The following KIF1A variants were observed in gnomAD, a reference collection of about 807,000 sequenced individuals.
KIF1A encodes kinesin-like protein KIF1A.
Under a neutral mutation model 227.3 loss-of-function variants are expected in KIF1A, and 46 were observed. That is an observed-to-expected ratio of 0.20 (90% CI 0.16 to 0.26). The LOEUF (loss-of-function observed/expected upper bound fraction) is 0.26, where lower values mean the gene tolerates loss of function less well. Among genes scored for constraint, KIF1A ranks in the 10% least tolerant of loss-of-function variants. The pLI is 1.00. For missense variants in KIF1A, 1,683 were observed against 2,485.9 expected (o/e 0.68, Z 6.87); for synonymous variants, 1,022 against 1,012.8 (o/e 1.01, Z -0.17).
chr2:240,810,603 A>T (rs2057791975), intron 1 of KIF1A, among the ~76,000 whole-genome samples: 1 of 152,228 alleles, frequency 6.6e-6, no homozygotes, highest in South Asian at 2.1e-4. Context: ...CAAATGCAGA[A>T]TGACTTATCA....
chr2:240,737,125 G>A lies in KIF1A; in HGVS notation c.3945C>T (p.Asp1315=), dbSNP rs756862768. 1 of 1,613,762 alleles carries A rather than the reference G, an allele frequency of 6.2e-7. No homozygotes were observed. The highest frequency in any genetic ancestry group is 8.5e-7 in the Non-Finnish European group (1 of 1,179,732). ...GGATGTTGAGAGACAAGATGTTGGG[G>A]TCGATCAGGGACTCGTCGGTCTCTG... ...NTPETDESLI[D]PNILSLNILS... is the part of the protein sequence containing the mutation. The change falls in exon 38 of 49, where the codon GAC becomes GAT. Residue 1315 remains aspartate (D), a synonymous_variant. Transcript: ENST00000498729.
intron 38 of KIF1A, among the ~76,000 whole-genome samples, chr2:240,735,562 G>A (rs2047217806): frequency 6.6e-6 from 1 of 152,176 alleles, no homozygotes. Flanking sequence ...ATAAGGTAAT[G>A]AGGTCATCTC....
Position 240,726,973 on chromosome 2 carries a change from T to A in KIF1A, c.4008-33A>T. The A allele has an allele frequency of 7.4e-7, 1 of 1,354,164 alleles. No individual in the cohort carries two copies. The highest frequency in any genetic ancestry group is 1.0e-6 in the Non-Finnish European group (1 of 961,416). 83.9% of individuals were successfully genotyped at this position (1,354,164 alleles called of 1,614,324 possible). A position where few individuals can be genotyped will look rare whatever the true frequency, so the allele number is the denominator to read the frequency against. On this transcript the variant is annotated intron_variant, in intron 38 of 48. Transcript: ENST00000498729. This position sits in a 1 kb window ranked among gnomAD's most constrained non-coding sequence, Gnocchi z 5.2. Reference sequence around the variant, plus strand: ...GAAGCAGAGACAAAGTAGAAGTTGATGGCGTGGGGGCTGCTTTCAGCCAGG... The same window carrying A: ...GAAGCAGAGACAAAGTAGAAGTTGAAGGCGTGGGGGCTGCTTTCAGCCAGG...
Position 240,719,369 on chromosome 2 carries a change from G to A in KIF1A, c.5022-171C>T, listed in dbSNP as rs531817358. Among the ~76,000 whole-genome samples the A allele has an allele frequency of 5.3e-5, 8 of 152,314 alleles. No homozygotes were observed. In the South Asian group the frequency reaches 8.3e-4, roughly 16 times the overall value. On this transcript the variant is annotated intron_variant, in intron 46 of 48. Transcript: ENST00000498729. ...TGGCAGAACCCCAACCCAGCAGGCCGGAGACCAGACCACCAAGCCAGCTCT... is the reference window on the plus strand; with the variant it reads ...TGGCAGAACCCCAACCCAGCAGGCCAGAGACCAGACCACCAAGCCAGCTCT...
At chr2:240,785,260 G>A (rs2054586557) in intron 6 of KIF1A, among the ~76,000 whole-genome samples, 160 bp from the exon 7 acceptor site, 1 of 152,200 alleles carries the variant, frequency 6.6e-6, no homozygotes, top group Non-Finnish European at 1.5e-5. Context: ...CCTCCTGCCA[G>A]GACTCCAGCA....
intron 48 of KIF1A, 45 bp from the exon 49 acceptor site, chr2:240,717,451 C>G: frequency 6.3e-7 from 1 of 1,586,732 alleles, no homozygotes; most frequent in Admixed American, 1.7e-5. Context: ...CCAGGAACAC[C>G]TGCAGGCCAT....
chr2:240,757,226 G>T lies in KIF1A; in HGVS notation c.2858+93C>A. 7.5e-7 allele frequency: 1 copy of T among 1,325,588 alleles called. No homozygotes were observed. Among genetic ancestry groups the T allele is most frequent in the Non-Finnish European group, 1.0e-6 (1 of 957,336 alleles). 82.1% of individuals were successfully genotyped at this position (1,325,588 alleles called of 1,614,324 possible). ...GCCTCGCCTGCCCTGGGAGGGCCCG[G>T]GCCAGGCCCCAGCGGTTCCTCTGTG... On this transcript the variant is annotated intron_variant, in intron 27 of 48. Coordinates refer to ENST00000498729, the MANE Select transcript of KIF1A (RefSeq NM_001244008.2). This position sits in a 1 kb window ranked among gnomAD's most constrained non-coding sequence, Gnocchi z 6.2.
At position 240,745,834 on chromosome 2, in the gene KIF1A, T is replaced by C. The variant is rs748846590; in HGVS notation, c.3278A>G (p.Asp1093Gly). 1.9e-6 allele frequency: 3 copies of C among 1,612,648 alleles called. No homozygotes were observed. The highest frequency in any genetic ancestry group is 2.7e-5 in the African/African-American group (2 of 74,882). Residue 1093 changes from aspartate (D) to glycine (G), a missense_variant, in exon 31 of 49, where the codon GAC becomes GGC. Coordinates refer to ENST00000498729, the MANE Select transcript of KIF1A (RefSeq NM_001244008.2). ...ALDGPLDAAL[D>G]HLRLGNTFTF... ...GAAGGTGTTGCCCAGGCGGAGGTGG[T>C]CCAGGGCAGCATCCAGGGGCCCATC...
chr2:240,759,540 A>G (rs189625821), intron 25 of KIF1A, among the ~76,000 whole-genome samples: 272 of 151,652 alleles, frequency 1.8e-3, no homozygotes, highest in Middle Eastern at 3.4e-3. Flanking sequence ...CTTTCCCACA[A>G]CCCCAGGCTG....
At chr2:240,728,482 G>C (rs1035280360) in intron 38 of KIF1A, 1 of 1,037,940 alleles carries the variant, frequency 9.6e-7, no homozygotes, top group Non-Finnish European at 1.3e-6. Context: ...AACAAGCACC[G>C]GCACAAGGCC....
chr2:240,733,175 T>C (rs969821223), intron 38 of KIF1A, among the ~76,000 whole-genome samples: 1 of 151,536 alleles, frequency 6.6e-6, no homozygotes, highest in African/African-American at 2.4e-5. Flanking sequence ...GATCAATGAG[T>C]GCGTGGGTGA....
chr2:240,732,202 T>C lies in KIF1A; in HGVS notation c.4007+4861A>G, dbSNP rs111209961. On this transcript the variant is annotated intron_variant, in intron 38 of 48. Coordinates refer to ENST00000498729, the MANE Select transcript of KIF1A (RefSeq NM_001244008.2). ...AGGAGAGAATGAGCGGTGGAGGGGA[T>C]GAGGCGTGAGGGGAGGAGGGGATGA... 7.5e-3 allele frequency among the ~76,000 whole-genome samples: 371 copies of C among 49,746 alleles called. 6 individuals carry two copies. The highest frequency in any genetic ancestry group is 0.03 in the African/African-American group (342 of 11,418). 32.6% of individuals were successfully genotyped at this position (49,746 alleles called of 152,430 possible). A position where few individuals can be genotyped will look rare whatever the true frequency, so the allele number is the denominator to read the frequency against.
At chr2:240,781,813 C>G in intron 10 of KIF1A, 1 of 985,310 alleles carries the variant, frequency 1.0e-6, no homozygotes, top group South Asian at 4.7e-5. Flanking sequence ...TTCGCCACAC[C>G]GTTCTCCACA....
chr2:240,757,232 G>T lies in KIF1A; in HGVS notation c.2858+87C>A. The T allele has an allele frequency of 7.4e-7, 1 of 1,355,414 alleles. No individual in the cohort carries two copies. Among genetic ancestry groups the T allele is most frequent in the Non-Finnish European group, 1.0e-6 (1 of 982,608 alleles). The allele number at this position is 1,355,414 out of a possible 1,614,324, so 84.0% of individuals were successfully genotyped here. A position where few individuals can be genotyped will look rare whatever the true frequency, so the allele number is the denominator to read the frequency against. ...CCTGCCCTGGGAGGGCCCGGGCCAG[G>T]CCCCAGCGGTTCCTCTGTGCCCGCA... On this transcript the variant is annotated intron_variant, in intron 27 of 48. Coordinates refer to ENST00000498729, the MANE Select transcript of KIF1A (RefSeq NM_001244008.2). The surrounding 1 kb of genome is among the most constrained non-coding windows in gnomAD (Gnocchi z 6.2).
rs2125875351 is a variant in KIF1A, at chr2:240,758,431, C to A, written c.2511G>T (p.Glu837Asp). ...RAAEVPSSVIEDCDNVVTGGD... is the reference protein window; with the variant it reads ...RAAEVPSSVIDDCDNVVTGGD... ...CGCCGGTCACCACGTTGTCACAGTC[C>A]TCGATGACACTGGAGGGCACCTCTG... is the stretch of plus-strand genomic sequence containing the variant. The change falls in exon 26 of 49, where the codon GAG becomes GAT. Residue 837 changes from glutamate to aspartate, a missense_variant. Around this residue, in one of 12 missense-constraint regions of KIF1A, gnomAD observed 759 missense variants for 1,020.2 expected, o/e 0.74. Transcript: ENST00000498729. This position sits in a 1 kb window ranked among gnomAD's most constrained non-coding sequence, Gnocchi z 5.2. 6.2e-7 allele frequency: 1 copy of A among 1,612,500 alleles called. No individual in the cohort carries two copies. Among genetic ancestry groups the A allele is most frequent in the South Asian group, 1.1e-5 (1 of 90,764 alleles).
chr2:240,729,663 C>T (rs545648587), intron 38 of KIF1A, among the ~76,000 whole-genome samples: 2 of 152,338 alleles, frequency 1.3e-5, no homozygotes, highest in East Asian at 1.9e-4. Flanking sequence ...CAACAGCCCC[C>T]TTGGGGGTCC....
chr2:240,741,607 G>A (rs945549786), intron 34 of KIF1A, among the ~76,000 whole-genome samples: 32 of 152,190 alleles, frequency 2.1e-4, no homozygotes, highest in African/African-American at 4.6e-4. Context: ...TCTGTGCCCC[G>A]GCTAGGAAAG....
Position 240,725,541 on chromosome 2 carries a change from G to A in KIF1A, c.4123-137C>T, listed in dbSNP as rs2045914477. The stretch of plus-strand genomic sequence containing the variant: ...CTTCCCAGGGCCTCAGGTGTGGCCT[G>A]GACGCAGGCAGGAGAAAGTCTCTGC... On this transcript the variant is annotated intron_variant, in intron 39 of 48. Transcript: ENST00000498729. The surrounding 1 kb of genome is among the most constrained non-coding windows in gnomAD (Gnocchi z 5.8). 1 of 898,904 alleles carries A rather than the reference G, an allele frequency of 1.1e-6. No homozygotes were observed. The highest frequency in any genetic ancestry group is 1.7e-6 in the Non-Finnish European group (1 of 605,422). The allele number at this position is 898,904 out of a possible 1,614,324, so 55.7% of individuals were successfully genotyped here. A position where few individuals can be genotyped will look rare whatever the true frequency, so the allele number is the denominator to read the frequency against.
intron 1 of KIF1A, among the ~76,000 whole-genome samples, chr2:240,805,109 GA>G (rs2057302542): frequency 2.7e-5 from 2 of 75,282 alleles, no homozygotes; most frequent in African/African-American, 5.7e-5. Context: ...AGAGGGGAGG[GA>G]GGGAGAGGGG....
Sources: allele counts gnomAD v4.1 joint callset (sites outside exome capture counted in the v4.1 genomes callset), GRCh38; gene constraint gnomAD v4.1.1; regional missense constraint gnomAD v4.1.1; non-coding constraint Gnocchi (gnomAD v3.1); transcripts MANE v1.5; gene names NCBI Gene and HGNC (gene_info 2026-07-23, HGNC 2026-07-21).